Variants in BRD10 observed in about 807,000 individuals in gnomAD.
The protein encoded by BRD10 is bromodomain containing 10.
At chr9:5,944,402 G>A in the BRD10 span, among the ~76,000 whole-genome samples, 100 of 152,046 alleles carry the variant, frequency 6.6e-4, no homozygotes, top group African/African-American at 2.3e-3. Flanking sequence ...AAAACTTTCA[G>A]CAGATAAAGG....
chr9:5,928,484 T>G, the BRD10 span, among the ~76,000 whole-genome samples: 2 of 152,218 alleles, frequency 1.3e-5, no homozygotes, highest in African/African-American at 4.8e-5. Flanking sequence ...TCTGGCTTCC[T>G]TCCTCCTTAC....
At chr9:5,921,609 C>T in the BRD10 span, 1 of 1,614,010 alleles carries the variant, frequency 6.2e-7, no homozygotes, top group East Asian at 2.2e-5. Flanking sequence ...CTGATTACAT[C>T]TCCATTTGTT....
the BRD10 span, among the ~76,000 whole-genome samples, chr9:5,987,426 C>T: frequency 2.6e-5 from 4 of 152,142 alleles, no homozygotes; most frequent in Non-Finnish European, 5.9e-5. Flanking sequence ...ATCTACTGTA[C>T]GCTACTGTCA....
At chr9:5,922,764 G>C in the BRD10 span, 1 of 1,613,980 alleles carries the variant, frequency 6.2e-7, no homozygotes, top group Non-Finnish European at 8.5e-7. Flanking sequence ...CTATTTTGAA[G>C]ATCTATTGGC....
At chr9:5,951,415 G>A in the BRD10 span, among the ~76,000 whole-genome samples, 2 of 151,746 alleles carry the variant, frequency 1.3e-5, no homozygotes, top group African/African-American at 4.8e-5. Flanking sequence ...TGGTCCTTTG[G>A]CAAACTGGTC....
At chr9:6,002,466 TGGTA>T in the BRD10 span, among the ~76,000 whole-genome samples, 1 of 151,610 alleles carries the variant, frequency 6.6e-6, no homozygotes, top group Non-Finnish European at 1.5e-5. Flanking sequence ...CAGAATCCAG[TGGTA>T]GGTAGGATGG....
At chr9:5,920,251 A>G in the BRD10 span, 1 of 1,613,950 alleles carries the variant, frequency 6.2e-7, no homozygotes, top group Non-Finnish European at 8.5e-7. Flanking sequence ...ATTTTGGATT[A>G]GTAGATATAA....
chr9:5,960,911 T>C, the BRD10 span, among the ~76,000 whole-genome samples: 1 of 152,192 alleles, frequency 6.6e-6, no homozygotes, highest in South Asian at 2.1e-4. Context: ...TGCCCAAAGA[T>C]GTTCATGGTA....
chr9:5,985,223 T>G, the BRD10 span, among the ~76,000 whole-genome samples: 4 of 152,162 alleles, frequency 2.6e-5, no homozygotes, highest in African/African-American at 9.7e-5. Flanking sequence ...AAGTAAAGTT[T>G]TTCCTTACTT....
the BRD10 span, among the ~76,000 whole-genome samples, chr9:5,902,373 C>T: frequency 1.3e-5 from 2 of 152,130 alleles, no homozygotes; most frequent in African/African-American, 2.4e-5. Context: ...ATTTCTTAGC[C>T]TAGCTAAAGG....
chr9:5,995,958 T>C, the BRD10 span, among the ~76,000 whole-genome samples: 1 of 151,920 alleles, frequency 6.6e-6, no homozygotes, highest in Non-Finnish European at 1.5e-5. Context: ...ATGTGAAAAG[T>C]CAAAAAGAAA....
At chr9:5,997,760 C>T in the BRD10 span, among the ~76,000 whole-genome samples, 1 of 152,186 alleles carries the variant, frequency 6.6e-6, no homozygotes, top group Non-Finnish European at 1.5e-5. Context: ...TCCATCCATT[C>T]ATTCATTCCT....
At chr9:5,911,122 C>T in the BRD10 span, among the ~76,000 whole-genome samples, 5 of 152,342 alleles carry the variant, frequency 3.3e-5, no homozygotes, top group African/African-American at 9.6e-5. Context: ...TTGCTCACTC[C>T]AATGTCCTGG....
the BRD10 span, among the ~76,000 whole-genome samples, chr9:5,911,217 G>A: frequency 4.6e-5 from 7 of 152,134 alleles, no homozygotes; most frequent in Admixed American, 2.0e-4. Context: ...CTTGATTTTT[G>A]TATATGGCAA....
the BRD10 span, among the ~76,000 whole-genome samples, chr9:5,953,425 A>T: frequency 6.6e-6 from 1 of 152,116 alleles, no homozygotes; most frequent in African/African-American, 2.4e-5. Context: ...TCTTCACTTA[A>T]TCATATGGCA....
At chr9:5,950,620 T>C in the BRD10 span, among the ~76,000 whole-genome samples, 1 of 152,156 alleles carries the variant, frequency 6.6e-6, no homozygotes, top group Non-Finnish European at 1.5e-5. Flanking sequence ...CACATTATTT[T>C]TATACTATCT....
At chr9:5,960,612 G>A in the BRD10 span, among the ~76,000 whole-genome samples, 11 of 151,684 alleles carry the variant, frequency 7.3e-5, no homozygotes, top group Non-Finnish European at 1.2e-4. Context: ...TTTGAGGGGG[G>A]AAAACTTTCC....
chr9:5,975,291 T>C, the BRD10 span, among the ~76,000 whole-genome samples: 1 of 149,372 alleles, frequency 6.7e-6, no homozygotes, highest in East Asian at 2.0e-4. Flanking sequence ...AATACAAAAT[T>C]AGCTGGGCGT....
the BRD10 span, among the ~76,000 whole-genome samples, chr9:5,980,592 T>G: frequency 3.3e-5 from 5 of 151,816 alleles, no homozygotes; most frequent in Non-Finnish European, 5.9e-5. Context: ...AGAAACCAAA[T>G]TAGGTACATT....
Sources: allele counts gnomAD v4.1 joint callset (sites outside exome capture counted in the v4.1 genomes callset), GRCh38; gene constraint gnomAD v4.1.1; transcripts MANE v1.5; gene names NCBI Gene and HGNC (gene_info 2026-07-23, HGNC 2026-07-21).